Variants in PLA2G7 observed in about 807,000 individuals in gnomAD.
PLA2G7 encodes phospholipase A2 group VII, also known as platelet-activating factor acetylhydrolase.
Under a neutral mutation model 49.6 loss-of-function variants are expected in PLA2G7, and 63 were observed. The ratio of observed to expected loss-of-function variants is 1.27; its 90% CI spans 1.04 to 1.57. The LOEUF (loss-of-function observed/expected upper bound fraction) is 1.57, where lower values mean the gene tolerates loss of function less well. PLA2G7 is among the 40% of genes most tolerant of loss of function. PLA2G7 has a pLI of 0.00. For missense variants in PLA2G7, 596 were observed against 521.2 expected (o/e 1.14, Z -1.40); for synonymous variants, 193 against 169.9 (o/e 1.14, Z -1.06).
intron 6 of PLA2G7, 130 bp from the exon 7 acceptor site, chr6:46,711,749 T>A (rs1765031185): frequency 1.1e-6 from 1 of 940,244 alleles, no homozygotes; most frequent in East Asian, 2.4e-5. Flanking sequence ...CACTCTATAT[T>A]TTCTCTTAAA....
chr6:46,728,323 C>A (rs1460705130), intron 1 of PLA2G7, among the ~76,000 whole-genome samples: 1 of 152,150 alleles, frequency 6.6e-6, no homozygotes, highest in African/African-American at 2.4e-5. Context: ...GGGGCTGCTA[C>A]TGGCATCTAG....
chr6:46,713,697 T>C (rs532462031), intron 5 of PLA2G7, among the ~76,000 whole-genome samples: 8 of 152,222 alleles, frequency 5.3e-5, no homozygotes, highest in East Asian at 1.9e-4. Flanking sequence ...GAGAAAGTGG[T>C]GGAAGAAAGT....
chr6:46,725,943 C>G (rs1045500912), intron 1 of PLA2G7, among the ~76,000 whole-genome samples: 5 of 152,120 alleles, frequency 3.3e-5, no homozygotes, highest in African/African-American at 1.2e-4. Flanking sequence ...GAATGAAGAC[C>G]CAAAGATACA....
At chr6:46,705,445 G>T in intron 10 of PLA2G7, 144 bp from the exon 11 acceptor site, 1 of 685,592 alleles carries the variant, frequency 1.5e-6, no homozygotes, top group Non-Finnish European at 2.5e-6. Context: ...GATCTACTTA[G>T]ATGTGTTTCA....
In PLA2G7 at chr6:46,711,628, C is replaced by T; in HGVS notation, c.540-9G>A. On this transcript the variant is annotated splice_polypyrimidine_tract_variant and intron_variant, in intron 6 of 11. Transcript: ENST00000274793. ...CAGATGCAGATCTATCTCTATAATA[C>T]AAGCAAAATTATTATTTATGCATGC... The T allele has an allele frequency of 3.7e-6, 6 of 1,613,236 alleles. No individual in the cohort carries two copies. Among genetic ancestry groups the T allele is most frequent in the South Asian group, 1.1e-5 (1 of 91,070 alleles).
rs181231929 is a variant in PLA2G7 at position 46,732,125 on chromosome 6, C to T, written c.-35+3055G>A. Among the ~76,000 whole-genome samples, 829 of 152,246 alleles carry T rather than the reference C, an allele frequency of 5.4e-3. 7 individuals are homozygous for T. The highest frequency in any genetic ancestry group is 0.018 in the African/African-American group (765 of 41,536). The stretch of plus-strand genomic sequence containing the variant: ...AGGGTCTTCCTGACCTGGCTCCTGC[C>T]CCTAAAGCTCACTCCTCCAACTCTC... On this transcript the variant is annotated intron_variant, in intron 1 of 11. Transcript: ENST00000274793.
chr6:46,716,398 A>C lies in PLA2G7; in HGVS notation c.362T>G (p.Leu121Trp). 3 of 1,614,164 alleles carry C rather than the reference A, an allele frequency of 1.9e-6. No individual in the cohort carries two copies. Among genetic ancestry groups the C allele is most frequent in the Non-Finnish European group, 2.5e-6 (3 of 1,179,994 alleles). The change falls in exon 4 of 12, where the codon TTG (leucine) becomes TGG (tryptophan). Residue 121 changes from leucine to tryptophan, a missense_variant. Coordinates refer to ENST00000274793, the MANE Select transcript of PLA2G7 (RefSeq NM_005084.4). ...LGTHWLMGNI[L>W]RLLFGSMTTP... ...AGAAATCTTACCAAAGAGTAACCTCAAAATGTTGCCCATAAGCCAGTGTGT... is the reference window on the plus strand; with the variant it reads ...AGAAATCTTACCAAAGAGTAACCTCCAAATGTTGCCCATAAGCCAGTGTGT...
At chr6:46,722,551 C>G (rs1176706145) in intron 2 of PLA2G7, among the ~76,000 whole-genome samples, 2 of 152,094 alleles carry the variant, frequency 1.3e-5, no homozygotes, top group Admixed American at 1.3e-4. Flanking sequence ...CTTAAAATGT[C>G]CCATCCTGGT....
At chr6:46,726,327 A>AT (rs1765572644) in intron 1 of PLA2G7, among the ~76,000 whole-genome samples, 1 of 152,344 alleles carries the variant, frequency 6.6e-6, no homozygotes, top group Non-Finnish European at 1.5e-5. Context: ...CAGGAACCAT[A>AT]TTAACATGTA....
At chr6:46,705,396 G>A (rs1764783369) in intron 10 of PLA2G7, 95 bp from the exon 11 acceptor site, 1 of 996,136 alleles carries the variant, frequency 1.0e-6, no homozygotes, top group South Asian at 1.4e-5. Context: ...TTGTTGGTCT[G>A]TTTACTGAAA....
Position 46,722,853 on chromosome 6 carries a change from G to A in PLA2G7, c.39C>T (p.Cys13=), listed in dbSNP as rs199683608. The stretch of plus-strand genomic sequence containing the variant: ...AAGGATAAACCACAGCCAGGCAGCC[G>A]CAGAGGCAGAAAAGCACATGCAATT... The part of the protein sequence containing the change: ...PPKLHVLFCL[C]GCLAVVYPFD... Residue 13 remains cysteine, a synonymous_variant, in exon 2 of 12, where the codon TGC becomes TGT. Coordinates refer to ENST00000274793, the MANE Select transcript of PLA2G7 (RefSeq NM_005084.4). The A allele has an allele frequency of 6.8e-5, 109 of 1,613,602 alleles. 1 individual carries two copies. The East Asian group carries it at 8.2e-4, about 12-fold the overall frequency.
intron 10 of PLA2G7, 122 bp downstream of exon 10, chr6:46,707,869 T>C (rs888338302): frequency 1.5e-6 from 1 of 647,250 alleles, no homozygotes; most frequent in Non-Finnish European, 2.7e-6. Context: ...TCTAATTCTC[T>C]CCTTATTGAA....
At chr6:46,734,413 TGTGAGAGAGAGAGAGAGAGAGAGA>T (rs1765832069) in intron 1 of PLA2G7, among the ~76,000 whole-genome samples, 6 of 56,710 alleles carry the variant, frequency 1.1e-4, no homozygotes, top group African/African-American at 6.6e-4. Flanking sequence ...TGTGTGTGTG[TGTGAGAGAGAGAGAGAGAGAGAGA>T]GAGAGAGAGA....
At chr6:46,714,270 T>C (rs1270051366) in intron 5 of PLA2G7, among the ~76,000 whole-genome samples, 190 bp downstream of exon 5, 1 of 152,168 alleles carries the variant, frequency 6.6e-6, no homozygotes, top group South Asian at 2.1e-4. Context: ...AATGAGCTGA[T>C]AGTAGGGAAA....
At position 46,710,603 on chromosome 6, in the gene PLA2G7, T is replaced by C. The variant is rs755118330; in HGVS notation, c.719A>G (p.Asp240Gly). 6.2e-7 allele frequency: 1 copy of C among 1,613,702 alleles called. No individual in the cohort carries two copies. The highest frequency in any genetic ancestry group is 1.1e-5 in the South Asian group (1 of 91,076). The part of the protein sequence containing the change: ...SQALSLILDI[D>G]HGKPVKNALD... ...TGCATTCTTCACTGGCTTTCCATGA[T>C]CAATGTCAAGAATCAGACTGAGAGC... The change falls in exon 8 of 12, where the codon GAT becomes GGT. Residue 240 changes from aspartate to glycine, a missense_variant. Physicochemically the swap from Asp to Gly is moderately conservative, Grantham distance 94. Coordinates refer to ENST00000274793, the MANE Select transcript of PLA2G7 (RefSeq NM_005084.4).
intron 1 of PLA2G7, among the ~76,000 whole-genome samples, chr6:46,729,344 A>C (rs191181754): frequency 6.6e-6 from 1 of 152,320 alleles, no homozygotes; most frequent in African/African-American, 2.4e-5. Context: ...TCCCTAAAAC[A>C]TCCAAATGCA....
intron 1 of PLA2G7, among the ~76,000 whole-genome samples, chr6:46,734,545 G>T (rs1187214355): frequency 1.3e-5 from 2 of 151,446 alleles, no homozygotes; most frequent in Non-Finnish European, 2.9e-5. Flanking sequence ...ACTCCGGGGC[G>T]GGCGCGGTGG....
intron 10 of PLA2G7, 38 bp from the exon 11 acceptor site, chr6:46,705,339 G>A (rs1265440514): frequency 6.4e-7 from 1 of 1,567,506 alleles, no homozygotes; most frequent in Non-Finnish European, 8.8e-7. Context: ...CACATTGTTT[G>A]ATAAAATTAT....
At chr6:46,723,104 A>G (rs544112294) in intron 1 of PLA2G7, among the ~76,000 whole-genome samples, 179 bp from the exon 2 acceptor site, 4 of 152,324 alleles carry the variant, frequency 2.6e-5, no homozygotes, top group Admixed American at 6.5e-5. Context: ...TAGGATTACC[A>G]TTACCTACAT....
Sources: gnomAD v4.1 joint callset for allele counts (sites outside exome capture counted in the v4.1 genomes callset) on GRCh38, gnomAD v4.1.1 for gene constraint, MANE v1.5 for transcripts, NCBI Gene and HGNC (gene_info 2026-07-23, HGNC 2026-07-21) for gene names.